The following NRXN3 variants were observed in gnomAD, a reference collection of about 807,000 sequenced individuals.
NRXN3 encodes neurexin 3, also known as neurexin III.
A neutral mutation model predicts 137.6 loss-of-function variants in NRXN3; 32 were observed. The ratio of observed to expected loss-of-function variants is 0.23; its 90% CI spans 0.18 to 0.31. NRXN3 has a LOEUF of 0.31. Among genes scored for constraint, NRXN3 ranks in the 10% least tolerant of loss-of-function variants. NRXN3 has a pLI of 1.00. For synonymous variants in NRXN3, 798 were observed against 784.5 expected (o/e 1.02, Z -0.29); for missense variants, 1,574 against 2,062.5 (o/e 0.76, Z 4.59).
At chr14:78,625,224 A>G (rs2097446382) in intron 4 of NRXN3, among the ~76,000 whole-genome samples, 1 of 152,180 alleles carries the variant, frequency 6.6e-6, no homozygotes, top group Admixed American at 6.5e-5. Context: ...ATTTTTTTAA[A>G]ATTGTACTGG....
intron 15 of NRXN3, among the ~76,000 whole-genome samples, chr14:78,993,999 G>A (rs774851362): frequency 1.1e-4 from 17 of 151,748 alleles, no homozygotes; most frequent in East Asian, 1.9e-4. Flanking sequence ...ACAGGTGTGT[G>A]CCACACACCA....
At chr14:78,446,649 C>T (rs2094428349) in intron 4 of NRXN3, among the ~76,000 whole-genome samples, 1 of 152,184 alleles carries the variant, frequency 6.6e-6, no homozygotes, top group African/African-American at 2.4e-5. Context: ...AAGGAGAAAA[C>T]AAACTTGGTT....
chr14:78,530,345 T>C (rs2096443181), intron 4 of NRXN3, among the ~76,000 whole-genome samples: 1 of 152,252 alleles, frequency 6.6e-6, no homozygotes, highest in South Asian at 2.1e-4. Flanking sequence ...TCTCAGCCAC[T>C]GTGGTGAAAA....
At chr14:78,727,225 G>C (rs902142062) in intron 8 of NRXN3, among the ~76,000 whole-genome samples, 2 of 152,108 alleles carry the variant, frequency 1.3e-5, no homozygotes, top group African/African-American at 4.8e-5. Context: ...GGTGGGAGAG[G>C]GTTCTGTGTT....
intron 2 of NRXN3, among the ~76,000 whole-genome samples, chr14:78,256,691 A>G (rs561140835): frequency 1.3e-5 from 2 of 152,370 alleles, no homozygotes; most frequent in South Asian, 4.1e-4. Flanking sequence ...CATTGAGCTC[A>G]TATTCCTAGG....
At chr14:78,712,601 C>G (rs980693265) in intron 7 of NRXN3, among the ~76,000 whole-genome samples, 1 of 152,160 alleles carries the variant, frequency 6.6e-6, no homozygotes, top group African/African-American at 2.4e-5. Context: ...CTCACTCTGC[C>G]ACCCAGCTTG....
chr14:79,461,373 G>A (rs1038932890), intron 15 of NRXN3, among the ~76,000 whole-genome samples: 1 of 152,132 alleles, frequency 6.6e-6, no homozygotes, highest in African/African-American at 2.4e-5. Flanking sequence ...TGAGGGAAGA[G>A]GCATCAGATG....
intron 4 of NRXN3, chr14:78,526,818 A>G (rs774366041): frequency 3.9e-6 from 2 of 509,952 alleles, no homozygotes; most frequent in East Asian, 1.1e-4. Context: ...AGTCTGTGGA[A>G]GAAAGGGGAT....
chr14:78,197,327 C>T (rs974773384), intron 1 of NRXN3, among the ~76,000 whole-genome samples: 2 of 152,202 alleles, frequency 1.3e-5, no homozygotes, highest in East Asian at 3.9e-4. Context: ...CATTTACTCC[C>T]CACGCCTCCC....
At chr14:79,768,754 C>A (rs375714498) in intron 19 of NRXN3, among the ~76,000 whole-genome samples, 1 of 152,156 alleles carries the variant, frequency 6.6e-6, no homozygotes, top group Non-Finnish European at 1.5e-5. Context: ...TCACCAGCAA[C>A]GGAACAAAGC....
intron 4 of NRXN3, among the ~76,000 whole-genome samples, chr14:78,448,011 T>G (rs1404947335): frequency 6.6e-6 from 1 of 152,210 alleles, no homozygotes; most frequent in Non-Finnish European, 1.5e-5. Context: ...CTTTGTGTGT[T>G]CTATTCTTTT....
chr14:79,243,498 A>G (rs2153352550), intron 15 of NRXN3, among the ~76,000 whole-genome samples: 1 of 152,302 alleles, frequency 6.6e-6, no homozygotes, highest in South Asian at 2.1e-4. Flanking sequence ...TCCTATGCGT[A>G]AAACAATCCA....
chr14:79,705,940 C>T (rs1424952075), intron 19 of NRXN3, among the ~76,000 whole-genome samples: 7 of 152,248 alleles, frequency 4.6e-5, no homozygotes, highest in East Asian at 3.9e-4. Context: ...AGAACAGTAG[C>T]GAGCACAGAG....
At chr14:79,668,038 G>T (rs142586483) in intron 17 of NRXN3, among the ~76,000 whole-genome samples, 5 of 152,102 alleles carry the variant, frequency 3.3e-5, no homozygotes, top group East Asian at 3.9e-4. Context: ...ATGTCAGGGG[G>T]TGCTGAGGAG....
intron 4 of NRXN3, among the ~76,000 whole-genome samples, chr14:78,577,490 A>G (rs930675201): frequency 6.6e-6 from 1 of 151,648 alleles, no homozygotes; most frequent in Non-Finnish European, 1.5e-5. Context: ...TTTGCGATGG[A>G]GTTTTGCTCT....
At chr14:79,564,902 G>A (rs1326929945) in intron 16 of NRXN3, among the ~76,000 whole-genome samples, 1 of 152,002 alleles carries the variant, frequency 6.6e-6, no homozygotes, top group Non-Finnish European at 1.5e-5. Context: ...GCCAGAGTCT[G>A]ATTTTAAAAA....
rs74395250 is a variant in NRXN3 at position 79,358,123 on chromosome 14, C to T, written c.3263-109098C>T. On this transcript the variant is annotated intron_variant, in intron 15 of 20. Transcript: ENST00000335750. ...GAGTTATTCCTAAACTGAGCACAGG[C>T]TCCTGGGTGGTGAATCCTAGTCTTT... Among the ~76,000 whole-genome samples, 978 of 152,280 alleles carry T rather than the reference C, an allele frequency of 6.4e-3. 10 individuals carry two copies. Among genetic ancestry groups the T allele is most frequent in the African/African-American group, 0.022 (914 of 41,548 alleles).
In NRXN3 at chr14:79,793,416, AAAAAACAAAAAC is replaced by A. The variant is rs369733297; in HGVS notation, c.4015-11680_4015-11669del. On this transcript the variant is annotated intron_variant, in intron 19 of 20. Coordinates refer to ENST00000335750, the MANE Select transcript of NRXN3 (RefSeq NM_001330195.2). The stretch of plus-strand genomic sequence containing the variant: ...GGCGACAGAGCGAGACTCCGTCTCA[AAAAAACAAAAAC>A]AAAAACAAAAACAAAGACCCACAGT... Among the ~76,000 whole-genome samples the A allele has an allele frequency of 9.6e-3, 1,468 of 152,278 alleles. 21 individuals are homozygous for A. The highest frequency in any genetic ancestry group is 0.033 in the African/African-American group (1,386 of 41,542).
At chr14:78,820,219 A>G (rs1038049726) in intron 10 of NRXN3, among the ~76,000 whole-genome samples, 3 of 149,414 alleles carry the variant, frequency 2.0e-5, no homozygotes, top group Non-Finnish European at 3.0e-5. Context: ...TATATAAATT[A>G]TATGTATAAA....
Sources: allele counts gnomAD v4.1 joint callset (sites outside exome capture counted in the v4.1 genomes callset), GRCh38; gene constraint gnomAD v4.1.1; transcripts MANE v1.5; gene names NCBI Gene and HGNC (gene_info 2026-07-23, HGNC 2026-07-21).